The following PPP1R3F variants were observed in gnomAD, a reference collection of about 807,000 sequenced individuals.
PPP1R3F encodes protein phosphatase 1, regulatory (inhibitor) subunit 3F.
A neutral mutation model predicts 24.2 loss-of-function variants in PPP1R3F; 29 were observed. That is an observed-to-expected ratio of 1.20 (90% CI 0.89 to 1.63). The LOEUF (loss-of-function observed/expected upper bound fraction) is 1.63, where lower values mean the gene tolerates loss of function less well. Among genes scored for constraint, PPP1R3F ranks in the 40% most tolerant of loss-of-function variants. The pLI is 0.00. For missense variants in PPP1R3F, 823 were observed against 729.3 expected (o/e 1.13, Z -1.48); for synonymous variants, 363 against 340.1 (o/e 1.07, Z -0.74).
intron 2 of PPP1R3F, 35 bp downstream of exon 2, chrX:49,281,496 G>A (rs1438960672): frequency 1.8e-6 from 2 of 1,085,836 alleles, no homozygotes; most frequent in Admixed American, 2.2e-5. Context: ...GTTTTAGCTT[G>A]TATTTACCAT....
At chrX:49,285,488 G>C (rs1043325185) in intron 3 of PPP1R3F, among the ~76,000 whole-genome samples, 1 of 111,863 alleles carries the variant, frequency 8.9e-6, no homozygotes, top group African/African-American at 3.3e-5. Context: ...GAGCCACTGT[G>C]CCTGGCTACT....
At chrX:49,300,597 A>G (rs1765578758) in intron 3 of PPP1R3F, among the ~76,000 whole-genome samples, 1 of 104,547 alleles carries the variant, frequency 9.6e-6, no homozygotes, top group African/African-American at 3.6e-5. Flanking sequence ...TCAAGCGATC[A>G]TCCCATCTCA....
intron 3 of PPP1R3F, among the ~76,000 whole-genome samples, chrX:49,282,560 T>C (rs1465932957): frequency 9.5e-6 from 1 of 105,051 alleles, no homozygotes; most frequent in Non-Finnish European, 1.9e-5. Flanking sequence ...ATTAGTGAGA[T>C]CTGAGCGAAG....
At chrX:49,297,835 T>TAA (rs2066327831) in intron 3 of PPP1R3F, among the ~76,000 whole-genome samples, 2 of 88,591 alleles carry the variant, frequency 2.3e-5, no homozygotes, top group African/African-American at 8.5e-5. Context: ...CTGCTTTTTT[T>TAA]TTTTTTTTTT....
At chrX:49,292,872 A>G (rs1249393982), downstream of PPP1R3F, among the ~76,000 whole-genome samples, 1 of 111,583 alleles carries the variant, frequency 9.0e-6, no homozygotes, top group Admixed American at 9.5e-5. Context: ...GATGCTCGTG[A>G]ATGGAGGGGA....
In PPP1R3F at chrX:49,282,198, C is replaced by T. The variant is rs782727309; in HGVS notation, c.1143+135C>T. ...GGAGGGAGGGCACAAAACTCAGAAC[C>T]TGATGGGGGAGGGGGAGAATGCAGT... On this transcript the variant is annotated intron_variant, in intron 3 of 3. Transcript: ENST00000055335. The T allele has an allele frequency of 5.8e-5, 26 of 450,078 alleles. 1 individual carries two copies. In the South Asian group the frequency reaches 9.4e-4, roughly 16 times the overall value. 37.1% of individuals were successfully genotyped at this position (450,078 alleles called of 1,213,427 possible).
intron 3 of PPP1R3F, among the ~76,000 whole-genome samples, chrX:49,297,380 A>AT (rs1193422360): frequency 1.8e-5 from 2 of 108,592 alleles, no homozygotes; most frequent in Non-Finnish European, 3.8e-5. Context: ...TGCCTGGCTA[A>AT]TTTTTTTGTA....
downstream of PPP1R3F, among the ~76,000 whole-genome samples, chrX:49,288,742 T>C (rs1322704860): frequency 8.9e-6 from 1 of 112,232 alleles, no homozygotes. Flanking sequence ...GTTACCCGCA[T>C]TGAAAAATAT....
At chrX:49,270,976 G>A (rs2066176064) in intron 1 of PPP1R3F, 103 bp downstream of exon 1, 5 of 858,306 alleles carry the variant, frequency 5.8e-6, no homozygotes, top group Admixed American at 7.2e-5. Context: ...CCAGGACAGG[G>A]AGGAGGGTGC....
intron 3 of PPP1R3F, among the ~76,000 whole-genome samples, chrX:49,294,683 G>C (rs943226423): frequency 4.7e-4 from 51 of 108,725 alleles, no homozygotes; most frequent in Admixed American, 7.9e-4. Flanking sequence ...GCTGAGGGGG[G>C]GTGGATCATG....
Position 49,281,406 on chromosome X carries a change from G to A in PPP1R3F, c.1005G>A (p.Arg335=), listed in dbSNP as rs1450736476. Residue 335 remains arginine (R), a splice_region_variant and synonymous_variant, in exon 2 of 4, where the codon AGG becomes AGA. Coordinates refer to ENST00000055335, the MANE Select transcript of PPP1R3F (RefSeq NM_033215.5). ...ATGTACTCTCTCCTCTGCCCTGCAG[G>A]CCTGCCGAGGAGGAACTGAAGACGA... ...LKSCMKPVRR[R]PAEEELKTKN... The A allele has an allele frequency of 8.3e-7, 1 of 1,202,961 alleles. No homozygotes were observed. Among genetic ancestry groups the A allele is most frequent in the Admixed American group, 2.2e-5 (1 of 45,712 alleles).
Position 49,281,396 on chromosome X carries a change from T to C in PPP1R3F, c.1005-10T>C, listed in dbSNP as rs368246359. ...TATTAGATCCATGTACTCTCTCCTC[T>C]GCCCTGCAGGCCTGCCGAGGAGGAA... On this transcript the variant is annotated splice_polypyrimidine_tract_variant and intron_variant, in intron 1 of 3. Transcript: ENST00000055335. The C allele has an allele frequency of 2.8e-5, 33 of 1,198,417 alleles. No individual in the cohort carries two copies. The highest frequency in any genetic ancestry group is 3.6e-5 in the Non-Finnish European group (32 of 886,166).
At position 49,269,904 on chromosome X, in the gene PPP1R3F, G is replaced by C; in HGVS notation, c.35G>C (p.Arg12Pro). The C allele has an allele frequency of 2.2e-6, 2 of 906,715 alleles. No homozygotes were observed. Among genetic ancestry groups the C allele is most frequent in the Non-Finnish European group, 2.7e-6 (2 of 736,078 alleles). The allele number at this position is 906,715 out of a possible 1,213,427, so 74.7% of individuals were successfully genotyped here. ...ARTAPVEPPLRHSAPPSPAAG... is the reference protein window; with the variant it reads ...ARTAPVEPPLPHSAPPSPAAG... ...ACGGCCCCTGTGGAGCCCCCGCTGC[G>C]GCATTCCGCGCCCCCCTCGCCGGCC... The change falls in exon 1 of 4, where the codon CGG becomes CCG. Residue 12 changes from arginine to proline, a missense_variant. Coordinates refer to ENST00000055335, the MANE Select transcript of PPP1R3F (RefSeq NM_033215.5).
chrX:49,279,257 C>T (rs1427042102), intron 1 of PPP1R3F, among the ~76,000 whole-genome samples: 1 of 111,563 alleles, frequency 9.0e-6, no homozygotes, highest in African/African-American at 3.3e-5. Context: ...AAAACAAAAA[C>T]CAAAAAACCC....
chrX:49,298,805 T>C (rs1176071675), intron 3 of PPP1R3F, among the ~76,000 whole-genome samples: 1 of 110,784 alleles, frequency 9.0e-6, no homozygotes. Context: ...TGGCTATTGA[T>C]ACTTGTGTAT....
intron 1 of PPP1R3F, 195 bp from the exon 2 acceptor site, chrX:49,281,211 C>G: frequency 3.1e-6 from 1 of 319,450 alleles, no homozygotes; most frequent in East Asian, 4.7e-5. Context: ...TTTAGACTTT[C>G]CTGTATTTTG....
In PPP1R3F at chrX:49,281,990, C is replaced by T. The variant is rs1381179683; in HGVS notation, c.1070C>T (p.Pro357Leu). Residue 357 changes from proline to leucine, a missense_variant, in exon 3 of 4, where the codon CCT becomes CTT. Pro to Leu is a moderately conservative substitution (Grantham distance 98). Transcript: ENST00000055335. The stretch of plus-strand genomic sequence containing the variant: ...TTTCTCTTCCCTCTAGCAGAGCATC[C>T]TGATGTCCAGGAGTCAGTGGGTCCA... ...DDNTFAMAEH[P>L]DVQESVGPLV... The T allele has an allele frequency of 8.3e-7, 1 of 1,204,387 alleles. No individual in the cohort carries two copies. Among genetic ancestry groups the T allele is most frequent in the African/African-American group, 1.7e-5 (1 of 57,144 alleles).
At chrX:49,291,423 G>T (rs972953537), downstream of PPP1R3F, among the ~76,000 whole-genome samples, 1 of 108,782 alleles carries the variant, frequency 9.2e-6, no homozygotes, top group Non-Finnish European at 1.9e-5. Flanking sequence ...TGCCCCCTGG[G>T]TTCAAGAGAT....
intron 1 of PPP1R3F, among the ~76,000 whole-genome samples, chrX:49,277,052 G>C (rs2066218066): frequency 1.8e-5 from 2 of 112,499 alleles, no homozygotes; most frequent in Non-Finnish European, 3.8e-5. Flanking sequence ...GAATGCTGGG[G>C]GTGCTCCAGA....
Sources: gnomAD v4.1 joint callset for allele counts (sites outside exome capture counted in the v4.1 genomes callset) on GRCh38, gnomAD v4.1.1 for gene constraint, MANE v1.5 for transcripts, NCBI Gene and HGNC (gene_info 2026-07-23, HGNC 2026-07-21) for gene names.